The following SPSB4 variants were observed in gnomAD, a reference collection of about 807,000 sequenced individuals.
SPSB4 encodes splA/ryanodine receptor domain and SOCS box containing 4.
A neutral mutation model predicts 20.9 loss-of-function variants in SPSB4; 21 were observed. That is an observed-to-expected ratio of 1.01 (90% CI 0.71 to 1.45). SPSB4 has a LOEUF of 1.45. Among genes scored for constraint, SPSB4 ranks in the 40% most tolerant of loss-of-function variants. The pLI is 0.00. For missense variants in SPSB4, 399 were observed against 399.2 expected, an observed-to-expected ratio of 1.00 and a Z score of 0.00; for synonymous variants, 207 against 183.8, an observed-to-expected ratio of 1.13 and a Z score of -1.02.
chr3:141,119,431 T>A (rs1213290252), intron 2 of SPSB4, among the ~76,000 whole-genome samples: 1 of 152,236 alleles, frequency 6.6e-6, no homozygotes, highest in Non-Finnish European at 1.5e-5. Context: ...TCATGTCTTC[T>A]GCAAACACAG....
chr3:141,120,730 C>T (rs931689083), intron 2 of SPSB4, among the ~76,000 whole-genome samples: 23 of 152,102 alleles, frequency 1.5e-4, no homozygotes, highest in Non-Finnish European at 2.8e-4. Context: ...ACTAGGATTG[C>T]GACCCCTGCC....
At chr3:141,138,516 G>C (rs912320375) in intron 2 of SPSB4, among the ~76,000 whole-genome samples, 4 of 152,132 alleles carry the variant, frequency 2.6e-5, no homozygotes, top group African/African-American at 9.7e-5. Flanking sequence ...ATGTGTCCCA[G>C]AGATTCTGAT....
At chr3:141,058,762 G>A (rs759237660) in intron 1 of SPSB4, among the ~76,000 whole-genome samples, 1 of 152,166 alleles carries the variant, frequency 6.6e-6, no homozygotes, top group African/African-American at 2.4e-5. Flanking sequence ...AGCAGGGAAG[G>A]ATGCAAAGCA....
chr3:141,070,120 G>A (rs1937969142), intron 2 of SPSB4, among the ~76,000 whole-genome samples: 1 of 152,034 alleles, frequency 6.6e-6, no homozygotes, highest in South Asian at 2.1e-4. Flanking sequence ...GGACGCACAG[G>A]GGCCCTGCCA....
At chr3:141,127,846 G>T (rs952712178) in intron 2 of SPSB4, among the ~76,000 whole-genome samples, 5 of 152,154 alleles carry the variant, frequency 3.3e-5, no homozygotes. Flanking sequence ...ATTCTCTTAG[G>T]CCCTGCAGTA....
At chr3:141,073,528 A>G (rs1412311771) in intron 2 of SPSB4, among the ~76,000 whole-genome samples, 4 of 152,202 alleles carry the variant, frequency 2.6e-5, no homozygotes, top group Non-Finnish European at 4.4e-5. Context: ...GAATAAGCCC[A>G]TAATGTGTGT....
rs575415973 is a variant in SPSB4, at chr3:141,065,396, GGT to G, written c.-153-555_-153-554del. ...TTATTTAGGCTCCCCAGGACTCCAG[GGT>G]TGGGAACCAATGGGCCACACCCTAC... On this transcript the variant is annotated intron_variant, in intron 1 of 2. Coordinates refer to ENST00000310546, the MANE Select transcript of SPSB4 (RefSeq NM_080862.3). Among the ~76,000 whole-genome samples, 24 of 152,306 alleles carry G rather than the reference GGT, an allele frequency of 1.6e-4. No homozygotes were observed. The South Asian group carries it at 4.6e-3, about 29-fold the overall frequency.
At chr3:141,118,733 C>T (rs139538889) in intron 2 of SPSB4, among the ~76,000 whole-genome samples, 178 of 152,128 alleles carry the variant, frequency 1.2e-3, no homozygotes, top group African/African-American at 3.8e-3. Context: ...TCCAGCACTA[C>T]TTATTATATA....
chr3:141,088,049 C>T lies in SPSB4; in HGVS notation c.694+21251C>T, dbSNP rs147928676. ...AGACACAGCATCAGGGTGATAACTC[C>T]GCAGTGTGCTGTGGGGTGGGGAATG... is the stretch of plus-strand genomic sequence containing the variant. On this transcript the variant is annotated intron_variant, in intron 2 of 2. Coordinates refer to ENST00000310546, the MANE Select transcript of SPSB4 (RefSeq NM_080862.3). Among the ~76,000 whole-genome samples, 842 of 152,208 alleles carry T rather than the reference C, an allele frequency of 5.5e-3. 9 individuals are homozygous for T. The highest frequency in any genetic ancestry group is 0.019 in the African/African-American group (800 of 41,514).
intron 2 of SPSB4, among the ~76,000 whole-genome samples, chr3:141,078,223 C>T (rs1938156298): frequency 6.6e-6 from 1 of 152,228 alleles, no homozygotes. Context: ...GCCTGGACCT[C>T]AGTATCCTTC....
chr3:141,122,049 G>A (rs998513660), intron 2 of SPSB4, among the ~76,000 whole-genome samples: 4 of 152,156 alleles, frequency 2.6e-5, no homozygotes, highest in African/African-American at 9.7e-5. Context: ...CCTCTTTGTG[G>A]TTTTATCTAC....
At chr3:141,138,434 C>T (rs1939265918) in intron 2 of SPSB4, among the ~76,000 whole-genome samples, 1 of 152,116 alleles carries the variant, frequency 6.6e-6, no homozygotes, top group East Asian at 1.9e-4. Flanking sequence ...GTTAGGGTGT[C>T]AATTTTAGAT....
chr3:141,075,388 A>ATACCCACAGG (rs372945885), intron 2 of SPSB4, among the ~76,000 whole-genome samples: 1,577 of 152,250 alleles, frequency 0.01, 31 homozygotes, highest in African/African-American at 0.036. Context: ...ACAGTCACAG[A>ATACCCACAGG]TACCCAGGTA....
At chr3:141,058,328 G>A (rs559379913) in intron 1 of SPSB4, among the ~76,000 whole-genome samples, 1 of 152,328 alleles carries the variant, frequency 6.6e-6, no homozygotes, top group East Asian at 1.9e-4. Context: ...AAGGCAATTA[G>A]CAAATTAGAG....
At chr3:141,108,814 C>T (rs1938740642) in intron 2 of SPSB4, among the ~76,000 whole-genome samples, 1 of 152,200 alleles carries the variant, frequency 6.6e-6, no homozygotes. Flanking sequence ...GATTTAAAGA[C>T]TCAAGTATCC....
At chr3:141,141,048 G>A (rs1036702639) in intron 2 of SPSB4, among the ~76,000 whole-genome samples, 7 of 152,236 alleles carry the variant, frequency 4.6e-5, no homozygotes, top group African/African-American at 1.7e-4. Context: ...CCCTCCCCCA[G>A]CCTCGCTGCC....
At position 141,053,407 on chromosome 3, in the gene SPSB4, T is replaced by C. The variant is rs1328934387; in HGVS notation, c.-154+1415T>C. 2.0e-5 allele frequency among the ~76,000 whole-genome samples: 3 copies of C among 152,194 alleles called. No homozygotes were observed. The East Asian group carries it at 5.8e-4, about 29-fold the overall frequency. On this transcript the variant is annotated intron_variant, in intron 1 of 2. Transcript: ENST00000310546. ...GGCAAATCACAAACAAAATTCAACT[T>C]ACTGGACCTTCTACCCAAATATCTC...
intron 2 of SPSB4, among the ~76,000 whole-genome samples, chr3:141,133,893 A>G (rs1196478083): frequency 6.6e-6 from 1 of 152,090 alleles, no homozygotes; most frequent in African/African-American, 2.4e-5. Context: ...TCATCTTCAC[A>G]ATATTGATTC....
Position 141,066,337 on chromosome 3 carries a change from AC to A in SPSB4, c.237del (p.Val80TrpfsTer35). 1 of 1,563,736 alleles carries A rather than the reference AC, an allele frequency of 6.4e-7. No individual in the cohort carries two copies. The highest frequency in any genetic ancestry group is 1.2e-5 in the South Asian group (1 of 84,886). Reference protein sequence around the residue: ...KDDDRLTFHRHPVAQSTDGIR... With the variant: ...KDDDRLTFHRXPVAQSTDGIR... ...GACGACCGGCTCACCTTCCACCGGC[AC>A]CCCGTGGCCCAGAGCACCGACGGCA... On this transcript the variant is annotated frameshift_variant, in exon 2 of 3. Coordinates refer to ENST00000310546, the MANE Select transcript of SPSB4 (RefSeq NM_080862.3). LOFTEE classifies it high-confidence loss of function.
Sources: allele counts gnomAD v4.1 joint callset (sites outside exome capture counted in the v4.1 genomes callset), GRCh38; gene constraint gnomAD v4.1.1; transcripts MANE v1.5; gene names NCBI Gene and HGNC (gene_info 2026-07-23, HGNC 2026-07-21).